The following SMYD3 variants were observed in gnomAD, a reference collection of about 807,000 sequenced individuals.
The protein encoded by SMYD3 is histone-lysine N-methyltransferase SMYD3.
In SMYD3, 36 loss-of-function variants were observed where a neutral mutation model predicts 57.7. That is an observed-to-expected ratio of 0.62 (90% confidence interval 0.48 to 0.82). The LOEUF is 0.82. Among genes scored for constraint, SMYD3 ranks in the 40% least tolerant of loss-of-function variants. The pLI, the probability that SMYD3 is intolerant of heterozygous loss-of-function variation, is 0.00. For missense variants in SMYD3, 515 were observed against 538.8 expected (o/e 0.96, Z 0.44); for synonymous variants, 211 against 195.0 (o/e 1.08, Z -0.68).
Position 245,788,968 on chromosome 1 carries a change from G to A in SMYD3, c.1077-24819C>T, listed in dbSNP as rs1011404340. On this transcript the variant is annotated intron_variant, in intron 10 of 11. Coordinates refer to ENST00000490107, the MANE Select transcript of SMYD3 (RefSeq NM_001167740.2). ...GGCCAATTCTTTCTTCCTTCCAGGA[G>A]GAGGTTTGGACTAGGGGACCGAGAA... The A allele has an allele frequency of 4.6e-5, 7 of 152,222 alleles. No homozygotes were observed. The East Asian group carries it at 9.6e-4, about 21-fold the overall frequency. The allele number at this position is 152,222 out of a possible 1,614,324, so 9.4% of individuals were successfully genotyped here.
At chr1:246,296,398 C>T (rs2064795845) in intron 5 of SMYD3, among the ~76,000 whole-genome samples, 1 of 152,154 alleles carries the variant, frequency 6.6e-6, no homozygotes, top group African/African-American at 2.4e-5. Flanking sequence ...AGAATAAAAA[C>T]TGCAACTCCT....
In SMYD3 at chr1:246,077,848, G is replaced by A. The variant is rs541438863; in HGVS notation, c.532-147911C>T. On this transcript the variant is annotated intron_variant, in intron 5 of 11. Coordinates refer to ENST00000490107, the MANE Select transcript of SMYD3 (RefSeq NM_001167740.2). Reference sequence around the variant, plus strand: ...CTGCTATTTTATCAACTCTTTAAGGGAAGGAATTGTGTTTTATGAATGACA... The same window carrying A: ...CTGCTATTTTATCAACTCTTTAAGGAAAGGAATTGTGTTTTATGAATGACA... 4.6e-5 allele frequency among the ~76,000 whole-genome samples: 7 copies of A among 152,080 alleles called. No homozygotes were observed. The South Asian group carries it at 1.2e-3, about 27-fold the overall frequency.
chr1:245,798,407 T>TACACACACACACATACACACACAA (rs1402299710), intron 10 of SMYD3, among the ~76,000 whole-genome samples: 1 of 16,304 alleles, frequency 6.1e-5, no homozygotes, highest in Non-Finnish European at 1.3e-4. Flanking sequence ...CACACACACA[T>TACACACACACACATACACACACAA]ACACACACAT....
At chr1:246,118,812 C>CTTTT (rs10623626) in intron 5 of SMYD3, among the ~76,000 whole-genome samples, 5 of 139,500 alleles carry the variant, frequency 3.6e-5, no homozygotes, top group African/African-American at 5.2e-5. Flanking sequence ...GAGGCACGTG[C>CTTTT]TTTTTTTTTT....
At chr1:246,369,523 T>C (rs1472143942) in intron 1 of SMYD3, among the ~76,000 whole-genome samples, 1 of 152,062 alleles carries the variant, frequency 6.6e-6, no homozygotes, top group East Asian at 1.9e-4. Context: ...TTTGGATTCA[T>C]TTTTCTTTCT....
At chr1:245,945,780 A>C (rs4654175) in intron 5 of SMYD3, among the ~76,000 whole-genome samples, 96,032 of 152,086 alleles carry the variant, frequency 0.63, 35,390 homozygotes, top group Non-Finnish European at 0.83. Flanking sequence ...ACTACACAGT[A>C]ATAAAAAGGA....
At chr1:246,101,690 C>T (rs1206397941) in intron 5 of SMYD3, among the ~76,000 whole-genome samples, 2 of 152,086 alleles carry the variant, frequency 1.3e-5, no homozygotes, top group South Asian at 2.1e-4. Flanking sequence ...TTTCATTTTG[C>T]TTCTTTTTCT....
At chr1:245,978,564 G>T (rs925126127) in intron 5 of SMYD3, among the ~76,000 whole-genome samples, 2 of 152,084 alleles carry the variant, frequency 1.3e-5, no homozygotes, top group Non-Finnish European at 2.9e-5. Flanking sequence ...AAATAAGTGC[G>T]GGAGGGCGGG....
intron 8 of SMYD3, among the ~76,000 whole-genome samples, chr1:245,888,077 G>A (rs2053183567): frequency 6.6e-6 from 1 of 152,192 alleles, no homozygotes; most frequent in African/African-American, 2.4e-5. Context: ...AGTCCTTGTT[G>A]GGGTGAGTCA....
intron 2 of SMYD3, among the ~76,000 whole-genome samples, chr1:246,342,566 T>C (rs1334650695): frequency 6.6e-6 from 1 of 152,154 alleles, no homozygotes; most frequent in African/African-American, 2.4e-5. Flanking sequence ...TTGATTAAGA[T>C]CTTGCAAAAA....
At chr1:245,986,515 C>T (rs1432942864) in intron 5 of SMYD3, among the ~76,000 whole-genome samples, 5 of 152,214 alleles carry the variant, frequency 3.3e-5, no homozygotes, top group Non-Finnish European at 7.3e-5. Flanking sequence ...TGCTTTTATA[C>T]TATTATGATG....
At chr1:246,125,989 G>C (rs1572069588) in intron 5 of SMYD3, among the ~76,000 whole-genome samples, 1 of 152,194 alleles carries the variant, frequency 6.6e-6, no homozygotes, top group East Asian at 1.9e-4. Context: ...GAAGAGACTA[G>C]AGGGTTAGAA....
intron 5 of SMYD3, among the ~76,000 whole-genome samples, chr1:246,149,957 A>C (rs2061915534): frequency 6.6e-6 from 1 of 152,240 alleles, no homozygotes; most frequent in African/African-American, 2.4e-5. Context: ...CTTTATCTGA[A>C]ACAACCATTA....
chr1:246,146,728 C>T (rs921185193), intron 5 of SMYD3, among the ~76,000 whole-genome samples: 1 of 152,146 alleles, frequency 6.6e-6, no homozygotes, highest in African/African-American at 2.4e-5. Context: ...GGCCTACACA[C>T]CCATGCTAGC....
chr1:246,455,148 C>T (rs927496428), intron 1 of SMYD3, among the ~76,000 whole-genome samples: 6 of 151,994 alleles, frequency 3.9e-5, no homozygotes, highest in South Asian at 4.2e-4. Flanking sequence ...AGTCCAAGTC[C>T]CTGATCTGAA....
intron 5 of SMYD3, among the ~76,000 whole-genome samples, chr1:246,092,482 G>C (rs2060839917): frequency 6.6e-6 from 1 of 152,098 alleles, no homozygotes; most frequent in Non-Finnish European, 1.5e-5. Flanking sequence ...ACCCATTTTT[G>C]ACAAAGGCAC....
chr1:246,324,755 G>A (rs2065311228), intron 5 of SMYD3, among the ~76,000 whole-genome samples: 1 of 151,510 alleles, frequency 6.6e-6, no homozygotes, highest in Non-Finnish European at 1.5e-5. Flanking sequence ...TATGGTGCCC[G>A]TTTCTTCTCT....
intron 5 of SMYD3, among the ~76,000 whole-genome samples, chr1:246,238,624 T>C (rs1290601808): frequency 1.3e-5 from 2 of 151,870 alleles, no homozygotes; most frequent in East Asian, 3.9e-4. Context: ...ATCCCAAGAG[T>C]CAAGCAGATT....
intron 1 of SMYD3, among the ~76,000 whole-genome samples, chr1:246,463,201 A>T (rs370431961): frequency 6.6e-6 from 1 of 152,190 alleles, no homozygotes; most frequent in Non-Finnish European, 1.5e-5. Context: ...GTGACGAATC[A>T]GGAGACTAAG....
Sources: allele counts gnomAD v4.1 joint callset (sites outside exome capture counted in the v4.1 genomes callset), GRCh38; gene constraint gnomAD v4.1.1; transcripts MANE v1.5; gene names NCBI Gene and HGNC (gene_info 2026-07-23, HGNC 2026-07-21).